The following MORC4 variants were observed in gnomAD, a reference collection of about 807,000 sequenced individuals.
MORC4 encodes the protein MORC family CW-type zinc finger protein 4.
Under a neutral mutation model 65.5 loss-of-function variants are expected in MORC4, and 22 were observed. The ratio of observed to expected loss-of-function variants is 0.34; its 90% CI spans 0.24 to 0.48. MORC4 has a LOEUF of 0.48. Ranked by LOEUF, MORC4 falls within the 20% of genes least tolerant of loss-of-function variation. MORC4 has a pLI of 0.99. For synonymous variants in MORC4, 267 were observed against 255.8 expected (o/e 1.04, Z -0.42); for missense variants, 624 against 703.0 (o/e 0.89, Z 1.27).
chrX:106,954,875 A>G, intron 14 of MORC4, 38 bp downstream of exon 14: 1 of 1,165,489 alleles, frequency 8.6e-7, no homozygotes, highest in Non-Finnish European at 1.2e-6. Flanking sequence ...ACAGACTCTA[A>G]AGCTTACTAT....
chrX:106,978,672 T>C (rs1367949576), intron 7 of MORC4, among the ~76,000 whole-genome samples: 3 of 110,734 alleles, frequency 2.7e-5, no homozygotes, highest in Non-Finnish European at 5.7e-5. Context: ...AAAAGATACC[T>C]AAATACCATC....
intron 9 of MORC4, among the ~76,000 whole-genome samples, chrX:106,965,344 C>T (rs1934348752): frequency 9.0e-6 from 1 of 111,003 alleles, no homozygotes; most frequent in Non-Finnish European, 1.9e-5. Context: ...ATACACAAAA[C>T]GAAATGAGAA....
Position 106,942,053 on chromosome X carries a change from T to G in MORC4, c.2545A>C (p.Thr849Pro). 2 of 1,211,715 alleles carry G rather than the reference T, an allele frequency of 1.7e-6. No individual in the cohort carries two copies. Among genetic ancestry groups the G allele is most frequent in the Non-Finnish European group, 2.2e-6 (2 of 895,485 alleles). ...FQILKAELERTKEEKQELKEK... is the reference protein window; with the variant it reads ...FQILKAELERPKEEKQELKEK... ...TTTAACTCTTGCTTTTCCTCTTTGG[T>G]TCTTTCCAGCTCAGCTTTCAGAATC... The change falls in exon 16 of 17, where the codon ACC (threonine) becomes CCC (proline). Residue 849 changes from threonine to proline, a missense_variant. Physicochemically the swap from Thr to Pro is conservative, Grantham distance 38. Coordinates refer to ENST00000355610, the MANE Select transcript of MORC4 (RefSeq NM_024657.5).
chrX:106,956,234 T>C (rs1364798633), intron 13 of MORC4, among the ~76,000 whole-genome samples: 1 of 112,043 alleles, frequency 8.9e-6, no homozygotes, highest in Non-Finnish European at 1.9e-5. Flanking sequence ...GTGATATTCA[T>C]ACTGTCCAGA....
chrX:106,958,487 GTGAC>G, intron 10 of MORC4, 23 bp from the exon 11 acceptor site: 1 of 1,191,449 alleles, frequency 8.4e-7, no homozygotes, highest in Admixed American at 2.3e-5. Context: ...AAATGGAAGT[GTGAC>G]TGTGTATATC....
At chrX:106,970,641 T>G (rs1461780714) in intron 9 of MORC4, among the ~76,000 whole-genome samples, 2 of 111,736 alleles carry the variant, frequency 1.8e-5, no homozygotes, top group African/African-American at 6.5e-5. Context: ...ACAAAATCAA[T>G]GCGCAAAAAT....
In MORC4 at chrX:106,985,091, T is replaced by C. The variant is rs1323420786; in HGVS notation, c.674+5A>G. ...TTAGAATCTATCACCCTTGGAATAC[T>C]ATACCTGCGGATGTTCCAAATGAGA... On this transcript the variant is annotated splice_donor_5th_base_variant and intron_variant, in intron 5 of 16. Transcript: ENST00000355610. 5.1e-6 allele frequency: 6 copies of C among 1,184,417 alleles called. No homozygotes were observed. The highest frequency in any genetic ancestry group is 3.5e-5 in the African/African-American group (2 of 56,628).
chrX:106,999,812 C>T, intron 1 of MORC4, 56 bp downstream of exon 1: 1 of 925,296 alleles, frequency 1.1e-6, no homozygotes, highest in Admixed American at 6.2e-5. Context: ...TCCCCGCGCG[C>T]CCCCCGCAGC....
At chrX:106,947,570 ATTATATATATATATATATATAAT>A (rs1933865454) in intron 14 of MORC4, among the ~76,000 whole-genome samples, 1 of 59,366 alleles carries the variant, frequency 1.7e-5, no homozygotes, top group African/African-American at 7.5e-5. Context: ...ATATATATAT[ATTATATATATATATATATATAAT>A]ATATATATAT....
At chrX:106,949,504 T>C (rs1933925008) in intron 14 of MORC4, among the ~76,000 whole-genome samples, 1 of 112,471 alleles carries the variant, frequency 8.9e-6, no homozygotes, top group African/African-American at 3.2e-5. Flanking sequence ...AATATAGCAA[T>C]TCTGGACACT....
intron 9 of MORC4, among the ~76,000 whole-genome samples, chrX:106,963,164 T>C (rs1177807331): frequency 3.6e-5 from 4 of 111,926 alleles, no homozygotes; most frequent in African/African-American, 6.5e-5. Flanking sequence ...CCTCATTTCC[T>C]CTTAAAAATC....
At chrX:106,976,123 C>T (rs974898181) in intron 9 of MORC4, among the ~76,000 whole-genome samples, 4 of 111,829 alleles carry the variant, frequency 3.6e-5, no homozygotes, top group Non-Finnish European at 7.5e-5. Context: ...ACCTGTTTGC[C>T]TGCCCTATTA....
rs1184346481 is a variant in MORC4, at chrX:106,941,959, G to A, written c.2639C>T (p.Pro880Leu). 5 of 1,207,820 alleles carry A rather than the reference G, an allele frequency of 4.1e-6. No individual in the cohort carries two copies. The highest frequency in any genetic ancestry group is 5.6e-6 in the Non-Finnish European group (5 of 894,273). The change falls in exon 16 of 17, where the codon CCA becomes CTA. Residue 880 changes from proline to leucine, a missense_variant. Pro to Leu is a moderately conservative substitution (Grantham distance 98). Coordinates refer to ENST00000355610, the MANE Select transcript of MORC4 (RefSeq NM_024657.5). Reference protein sequence around the residue: ...LQKAQVSYRTPEGDDLERALA... With the variant: ...LQKAQVSYRTLEGDDLERALA... The stretch of plus-strand genomic sequence containing the variant: ...TAACCTTTCTAGGTCATCTCCCTCT[G>A]GGGTCCGGTAGGAGACCTGAGCCTT...
intron 2 of MORC4, among the ~76,000 whole-genome samples, chrX:106,998,331 C>T (rs1935115039): frequency 8.9e-6 from 1 of 111,916 alleles, no homozygotes; most frequent in Admixed American, 9.4e-5. Flanking sequence ...GTCTTAGATC[C>T]GGCTTAGGTT....
Position 106,952,934 on chromosome X carries a change from C to T in MORC4, c.1685+1979G>A, listed in dbSNP as rs976046329. On this transcript the variant is annotated intron_variant, in intron 14 of 16. Coordinates refer to ENST00000355610, the MANE Select transcript of MORC4 (RefSeq NM_024657.5). ...CTCAGCCCAATCAATGTGATTCCCT[C>T]GAAAAGTGTAACTTGAAATGACACA... 2.7e-5 allele frequency among the ~76,000 whole-genome samples: 3 copies of T among 112,098 alleles called. No individual in the cohort carries two copies. In the East Asian group the frequency reaches 8.4e-4, roughly 31 times the overall value.
rs1933716046 is a variant in MORC4, at chrX:106,942,541, C to T, written c.2350G>A (p.Ala784Thr). 1 of 1,208,878 alleles carries T rather than the reference C, an allele frequency of 8.3e-7. No homozygotes were observed. Among genetic ancestry groups the T allele is most frequent in the Admixed American group, 2.2e-5 (1 of 45,622 alleles). Residue 784 changes from alanine to threonine, a missense_variant, in exon 15 of 17, where the codon GCT becomes ACT. Transcript: ENST00000355610. ...TTTTGCTGGAACAAATTCCTTTCAG[C>T]CAAAACACGTTCCAATTTTTCTGTG... ...RTTEKLERVL[A>T]ERNLFQQKVE...
intron 3 of MORC4, among the ~76,000 whole-genome samples, chrX:106,990,901 A>C (rs1446350087): frequency 9.0e-6 from 1 of 111,416 alleles, no homozygotes; most frequent in East Asian, 2.8e-4. Context: ...TTAAAAAAAA[A>C]GGTATCTTCT....
chrX:106,971,177 CTGATCTT>C (rs1464076208), intron 9 of MORC4, among the ~76,000 whole-genome samples: 1 of 111,695 alleles, frequency 9.0e-6, no homozygotes, highest in Admixed American at 9.5e-5. Context: ...TTACCACCAT[CTGATCTT>C]TGACAAACCT....
rs370216747 is a variant in MORC4, at chrX:106,986,086, C to T, written c.423G>A (p.Lys141=). The part of the protein sequence containing the change: ...RLGKDALVFT[K]NGGTLTVGLL... ...GTCCAACAGTGAGAGTACCCCCATT[C>T]TTGGTGAAGACAAGGGCGTCCTTTC... The change falls in exon 4 of 17, where the codon AAG becomes AAA. Residue 141 remains lysine (K), a synonymous_variant. Coordinates refer to ENST00000355610, the MANE Select transcript of MORC4 (RefSeq NM_024657.5). 3.3e-6 allele frequency: 4 copies of T among 1,208,991 alleles called. No individual in the cohort carries two copies. The highest frequency in any genetic ancestry group is 4.5e-6 in the Non-Finnish European group (4 of 894,249).
Sources: gnomAD v4.1 joint callset for allele counts (sites outside exome capture counted in the v4.1 genomes callset) on GRCh38, gnomAD v4.1.1 for gene constraint, MANE v1.5 for transcripts, NCBI Gene and HGNC (gene_info 2026-07-23, HGNC 2026-07-21) for gene names.